NPAS3: variants seen among roughly 807,000 people sequenced by gnomAD.
NPAS3 encodes the protein neuronal PAS domain-containing protein 3.
Under a neutral mutation model 73.1 loss-of-function variants are expected in NPAS3, and 14 were observed. The observed-to-expected ratio is 0.19, with a 90% confidence interval of 0.13 to 0.30. The LOEUF is 0.30. Ranked by LOEUF, NPAS3 falls within the 10% of genes least tolerant of loss-of-function variation. The pLI is 1.00. For synonymous variants in NPAS3, 620 were observed against 541.5 expected (o/e 1.14, Z -2.01); for missense variants, 1,096 against 1,250.0 (o/e 0.88, Z 1.86).
rs1211639897 is a variant in NPAS3 at position 33,217,420 on chromosome 14, G to T, written c.385+1994G>T. 3.3e-5 allele frequency among the ~76,000 whole-genome samples: 5 copies of T among 152,088 alleles called. No individual in the cohort carries two copies. In the East Asian group the frequency reaches 9.6e-4, roughly 29 times the overall value. On this transcript the variant is annotated intron_variant, in intron 3 of 11. Transcript: ENST00000356141. ...TTTTCCACTCTAGTTTGAGGCACAGGCTATCTTTATTCCAGATCACACAAG... is the reference window on the plus strand; with the variant it reads ...TTTTCCACTCTAGTTTGAGGCACAGTCTATCTTTATTCCAGATCACACAAG...
At chr14:33,378,463 C>T (rs141017567) in intron 4 of NPAS3, among the ~76,000 whole-genome samples, 54 of 152,190 alleles carry the variant, frequency 3.5e-4, no homozygotes, top group South Asian at 8.3e-4. Flanking sequence ...TGGCGAAACC[C>T]TATCTCTGCT....
At chr14:33,252,065 G>C (rs948612881) in intron 3 of NPAS3, among the ~76,000 whole-genome samples, 1 of 143,028 alleles carries the variant, frequency 7.0e-6, no homozygotes, top group East Asian at 1.9e-4. Flanking sequence ...GTCTGTGTGT[G>C]TGTGTGTGTG....
intron 4 of NPAS3, among the ~76,000 whole-genome samples, chr14:33,435,853 C>T (rs2139199879): frequency 6.6e-6 from 1 of 152,242 alleles, no homozygotes; most frequent in East Asian, 1.9e-4. Context: ...CATCATCATC[C>T]ATTTATATTA....
intron 1 of NPAS3, among the ~76,000 whole-genome samples, chr14:32,958,314 A>G (rs1167553260): frequency 6.6e-6 from 1 of 152,144 alleles, no homozygotes; most frequent in African/African-American, 2.4e-5. Context: ...TTAACCAACT[A>G]CATTCAGCTT....
chr14:33,115,795 CAT>C (rs1313054661), intron 2 of NPAS3, among the ~76,000 whole-genome samples: 2 of 152,206 alleles, frequency 1.3e-5, no homozygotes, highest in African/African-American at 4.8e-5. Context: ...AAGAAAAACA[CAT>C]GTGGAAAATT....
chr14:33,519,520 C>T (rs1403685300), intron 4 of NPAS3, among the ~76,000 whole-genome samples: 1 of 152,150 alleles, frequency 6.6e-6, no homozygotes, highest in Non-Finnish European at 1.5e-5. Flanking sequence ...TCAGAGCCAT[C>T]TGGGTGCCAA....
intron 1 of NPAS3, among the ~76,000 whole-genome samples, chr14:32,999,251 C>G (rs971857163): frequency 4.6e-5 from 7 of 152,102 alleles, no homozygotes; most frequent in Non-Finnish European, 1.0e-4. Flanking sequence ...GTGGCTCATG[C>G]CTGTAATCCC....
chr14:33,591,929 C>G (rs1023400359), intron 5 of NPAS3, among the ~76,000 whole-genome samples: 3 of 152,202 alleles, frequency 2.0e-5, no homozygotes, highest in Non-Finnish European at 4.4e-5. Context: ...TCTTGAGAAT[C>G]TCTTACTCCC....
Position 33,237,565 on chromosome 14 carries a change from GC to G in NPAS3, c.385+22142del, listed in dbSNP as rs548186526. On this transcript the variant is annotated intron_variant, in intron 3 of 11. Transcript: ENST00000356141. ...AAACTAATTACTAAATGCTGATGAT[GC>G]CCATAGGCTTTGCATAACTAAAATT... Among the ~76,000 whole-genome samples the G allele has an allele frequency of 1.7e-4, 26 of 152,132 alleles. No individual in the cohort carries two copies. In the East Asian group the frequency reaches 4.4e-3, roughly 26 times the overall value.
intron 4 of NPAS3, among the ~76,000 whole-genome samples, chr14:33,478,365 T>C (rs918654822): frequency 3.3e-5 from 5 of 152,148 alleles, no homozygotes; most frequent in African/African-American, 1.2e-4. Context: ...GTCACAATTA[T>C]GCTAATATCA....
chr14:32,988,591 C>CT (rs1009941313), intron 1 of NPAS3, among the ~76,000 whole-genome samples: 1 of 151,954 alleles, frequency 6.6e-6, no homozygotes, highest in African/African-American at 2.4e-5. Flanking sequence ...TATACAATAC[C>CT]TTTTTTTATG....
At chr14:33,505,232 T>C (rs1478989869) in intron 4 of NPAS3, among the ~76,000 whole-genome samples, 7 of 151,988 alleles carry the variant, frequency 4.6e-5, no homozygotes, top group Non-Finnish European at 8.8e-5. Flanking sequence ...TAAGAACTTA[T>C]CTTATAATTT....
chr14:33,475,497 T>C (rs2139653281), intron 4 of NPAS3, among the ~76,000 whole-genome samples: 1 of 151,708 alleles, frequency 6.6e-6, no homozygotes, highest in East Asian at 1.9e-4. Context: ...TCTTGCCTAC[T>C]TTAAGTTTTT....
At chr14:33,798,856 A>AGTGAGGTG (rs1173417184) in intron 11 of NPAS3, among the ~76,000 whole-genome samples, 2 of 151,696 alleles carry the variant, frequency 1.3e-5, no homozygotes, top group African/African-American at 4.8e-5. Context: ...TAAAATATAC[A>AGTGAGGTG]GTGAGGTGGC....
At chr14:33,229,362 C>T (rs2047756012) in intron 3 of NPAS3, among the ~76,000 whole-genome samples, 1 of 151,960 alleles carries the variant, frequency 6.6e-6, no homozygotes, top group South Asian at 2.1e-4. Flanking sequence ...GTAGAAAATC[C>T]CTTGGCATCT....
At chr14:33,330,144 A>T (rs1018904957) in intron 3 of NPAS3, among the ~76,000 whole-genome samples, 1 of 151,988 alleles carries the variant, frequency 6.6e-6, no homozygotes, top group Non-Finnish European at 1.5e-5. Context: ...TCGAGAGGCC[A>T]AGGAGGGAGA....
At chr14:33,709,405 A>T (rs962677728) in intron 6 of NPAS3, among the ~76,000 whole-genome samples, 1 of 152,168 alleles carries the variant, frequency 6.6e-6, no homozygotes, top group African/African-American at 2.4e-5. Context: ...ACTCTCTGCT[A>T]CTTCCCGCCC....
At chr14:33,135,702 C>G (rs1158894926) in intron 2 of NPAS3, among the ~76,000 whole-genome samples, 1 of 152,178 alleles carries the variant, frequency 6.6e-6, no homozygotes, top group Admixed American at 6.5e-5. Context: ...CCTCTTGACT[C>G]TTTTGGATTT....
At chr14:33,603,618 T>C (rs2057465887) in intron 5 of NPAS3, among the ~76,000 whole-genome samples, 1 of 152,112 alleles carries the variant, frequency 6.6e-6, no homozygotes, top group African/African-American at 2.4e-5. Context: ...AGAAGGATGA[T>C]AGCAGATTTC....
Sources: gnomAD v4.1 joint callset for allele counts (sites outside exome capture counted in the v4.1 genomes callset) on GRCh38, gnomAD v4.1.1 for gene constraint, MANE v1.5 for transcripts, NCBI Gene and HGNC (gene_info 2026-07-23, HGNC 2026-07-21) for gene names.